The following TRDN variants were observed in gnomAD, a reference collection of about 807,000 sequenced individuals.
The protein encoded by TRDN is triadin, also known as triadin in skeletal muscle.
In TRDN, 161 loss-of-function variants were observed where a neutral mutation model predicts 149.7. The observed-to-expected ratio is 1.08, with a 90% confidence interval of 0.95 to 1.23. TRDN has a LOEUF of 1.23. Among genes scored for constraint, TRDN ranks in the 50% most tolerant of loss-of-function variants. The pLI, the probability that TRDN is intolerant of heterozygous loss-of-function variation, is 0.00. For synonymous variants in TRDN, 294 were observed against 250.5 expected, an observed-to-expected ratio of 1.17 and a Z score of -1.64; for missense variants, 896 against 823.5, an observed-to-expected ratio of 1.09 and a Z score of -1.08.
At chr6:123,231,458 G>A (rs900649108) in intron 38 of TRDN, among the ~76,000 whole-genome samples, 12 of 151,872 alleles carry the variant, frequency 7.9e-5, no homozygotes, top group Non-Finnish European at 1.3e-4. Context: ...GAGAATGATG[G>A]GATCAAATCT....
At chr6:123,599,294 G>A (rs1284025709) in intron 1 of TRDN, among the ~76,000 whole-genome samples, 1 of 151,808 alleles carries the variant, frequency 6.6e-6, no homozygotes, top group Non-Finnish European at 1.5e-5. Flanking sequence ...TGATCATTGG[G>A]GTTATATAAC....
At position 123,273,009 on chromosome 6, in the gene TRDN, G is replaced by C; in HGVS notation, c.1627C>G (p.Gln543Glu). 1 of 1,500,230 alleles carries C rather than the reference G, an allele frequency of 6.7e-7. No individual in the cohort carries two copies. Among genetic ancestry groups the C allele is most frequent in the Non-Finnish European group, 8.9e-7 (1 of 1,127,382 alleles). The allele number at this position is 1,500,230 out of a possible 1,614,324, so 92.9% of individuals were successfully genotyped here. Residue 543 changes from glutamine (Q) to glutamate (E), a missense_variant and splice_region_variant, in exon 29 of 41, where the codon CAA becomes GAA. By Grantham distance (29) the Gln-to-Glu change is conservative. Transcript: ENST00000334268. ...AISEKVQIHK[Q>E]DIVKPEKTVS... ...GTCTTTTCTGGTTTCACTATGTCTT[G>C]TTCTGAAAATAATAAAAAGAAAATC... is the stretch of plus-strand genomic sequence containing the variant.
intron 28 of TRDN, 47 bp downstream of exon 28, chr6:123,273,290 T>C: frequency 1.8e-6 from 2 of 1,081,890 alleles, no homozygotes; most frequent in South Asian, 1.7e-5. Flanking sequence ...CGTTTCAATA[T>C]TTTTTCGTAA....
intron 24 of TRDN, among the ~76,000 whole-genome samples, chr6:123,299,478 A>C (rs528304318): frequency 6.6e-6 from 1 of 152,190 alleles, no homozygotes; most frequent in East Asian, 1.9e-4. Context: ...ACTACACTCA[A>C]ATAAATAGTC....
intron 38 of TRDN, among the ~76,000 whole-genome samples, chr6:123,246,843 A>C (rs1776200317): frequency 2.0e-5 from 3 of 152,210 alleles, no homozygotes; most frequent in Admixed American, 2.0e-4. Flanking sequence ...CATTGATGCA[A>C]AAGTCCTCAA....
intron 12 of TRDN, among the ~76,000 whole-genome samples, chr6:123,424,103 T>C (rs1774020189): frequency 1.3e-5 from 2 of 152,284 alleles, no homozygotes; most frequent in South Asian, 2.1e-4. Context: ...TTTTTGTTGA[T>C]TCAGTCTTTC....
Position 123,620,165 on chromosome 6 carries a change from G to A in TRDN, c.22+16589C>T, listed in dbSNP as rs747350840. On this transcript the variant is annotated intron_variant, in intron 1 of 40. Transcript: ENST00000334268. ...TATCCCTAATTAATTGGAATTAGTA[G>A]GGAATTTGTTTTTAAAGTCTATATG... Among the ~76,000 whole-genome samples the A allele has an allele frequency of 3.9e-5, 6 of 152,134 alleles. No individual in the cohort carries two copies. In the East Asian group the frequency reaches 9.6e-4, roughly 24 times the overall value.
chr6:123,596,545 T>C (rs771592159), intron 1 of TRDN, among the ~76,000 whole-genome samples: 4 of 152,112 alleles, frequency 2.6e-5, no homozygotes, highest in Non-Finnish European at 5.9e-5. Flanking sequence ...ATAAATCAAT[T>C]GACTCCTAGA....
intron 9 of TRDN, among the ~76,000 whole-genome samples, chr6:123,480,382 CTAAT>C (rs1362368057): frequency 6.6e-6 from 1 of 151,986 alleles, no homozygotes; most frequent in East Asian, 1.9e-4. Flanking sequence ...TACTGACTCA[CTAAT>C]AAATAAATAA....
At chr6:123,347,555 T>C (rs1186748066) in intron 21 of TRDN, among the ~76,000 whole-genome samples, 1 of 152,064 alleles carries the variant, frequency 6.6e-6, no homozygotes, top group African/African-American at 2.4e-5. Flanking sequence ...CAGCAAAACT[T>C]TAAATATTGT....
intron 24 of TRDN, among the ~76,000 whole-genome samples, chr6:123,295,902 T>A (rs563922893): frequency 4.5e-4 from 69 of 151,672 alleles, no homozygotes; most frequent in Non-Finnish European, 9.0e-4. Flanking sequence ...GAGGTGGAGG[T>A]TACAGTGAAA....
chr6:123,607,232 T>C (rs1260686486), intron 1 of TRDN, among the ~76,000 whole-genome samples: 1 of 152,232 alleles, frequency 6.6e-6, no homozygotes, highest in Non-Finnish European at 1.5e-5. Context: ...TCTTTAACAT[T>C]TTAATTCTGC....
At chr6:123,427,439 G>A (rs937363932) in intron 12 of TRDN, among the ~76,000 whole-genome samples, 2 of 152,128 alleles carry the variant, frequency 1.3e-5, no homozygotes, top group Admixed American at 6.5e-5. Flanking sequence ...ATAGCATCTT[G>A]TAAGTCTTCT....
chr6:123,264,787 A>G (rs886170932), intron 33 of TRDN, among the ~76,000 whole-genome samples: 7 of 152,072 alleles, frequency 4.6e-5, no homozygotes, highest in African/African-American at 1.7e-4. Flanking sequence ...CATCGAGACA[A>G]TACTTTTACC....
At chr6:123,388,679 A>C in intron 13 of TRDN, 128 bp from the exon 14 acceptor site, 1 of 971,202 alleles carries the variant, frequency 1.0e-6, no homozygotes, top group South Asian at 1.6e-5. Context: ...AATTCATCCA[A>C]ATCTATGATA....
chr6:123,337,576 T>C, intron 22 of TRDN, 43 bp downstream of exon 22: 1 of 1,007,914 alleles, frequency 9.9e-7, no homozygotes, highest in Non-Finnish European at 1.4e-6. Context: ...TAATATATAT[T>C]TCCTAATAAA....
chr6:123,278,332 T>C lies in TRDN; in HGVS notation c.1553A>G (p.Lys518Arg). 7.7e-7 allele frequency: 1 copy of C among 1,291,042 alleles called. No individual in the cohort carries two copies. The highest frequency in any genetic ancestry group is 1.0e-6 in the Non-Finnish European group (1 of 957,470). 80.0% of individuals were successfully genotyped at this position (1,291,042 alleles called of 1,614,324 possible). ...KPKPPQLQGKKEEKPEPQIKK... is the reference protein window; with the variant it reads ...KPKPPQLQGKREEKPEPQIKK... ...AATATACATACCTGGCTTCTCTTCC[T>C]TTTTTCCTTGTAGTTCTAAAAATAT... Residue 518 changes from lysine to arginine, a missense_variant, in exon 26 of 41, where the codon AAG becomes AGG. By Grantham distance (26) the Lys-to-Arg change is conservative (BLOSUM62 2). Coordinates refer to ENST00000334268, the MANE Select transcript of TRDN (RefSeq NM_006073.4).
At chr6:123,453,983 A>G (rs1041500126) in intron 10 of TRDN, among the ~76,000 whole-genome samples, 1 of 152,078 alleles carries the variant, frequency 6.6e-6, no homozygotes, top group Non-Finnish European at 1.5e-5. Context: ...ATTTGCAGTG[A>G]CCTGGATGAG....
chr6:123,513,332 A>C (rs1025718736), intron 6 of TRDN, among the ~76,000 whole-genome samples: 6 of 152,252 alleles, frequency 3.9e-5, no homozygotes, highest in Non-Finnish European at 5.9e-5. Flanking sequence ...TTTAATTGGC[A>C]TAAGGTAAAT....
Sources: allele counts gnomAD v4.1 joint callset (sites outside exome capture counted in the v4.1 genomes callset), GRCh38; gene constraint gnomAD v4.1.1; transcripts MANE v1.5; gene names NCBI Gene and HGNC (gene_info 2026-07-23, HGNC 2026-07-21).